Variants in MTUS2 observed in about 807,000 individuals in gnomAD.
MTUS2 encodes microtubule associated scaffold protein 2.
MTUS2 carries 40 observed loss-of-function variants against 114.1 expected under a neutral mutation model. The observed-to-expected ratio is 0.35, with a 90% CI of 0.27 to 0.46. MTUS2 has a LOEUF of 0.46. Ranked by LOEUF, MTUS2 falls within the 20% of genes least tolerant of loss-of-function variation. The probability of loss-of-function intolerance (pLI) is 1.00; values close to 1 mark genes in which losing one functional copy is unlikely to be tolerated. For synonymous variants in MTUS2, 688 were observed against 672.0 expected, an observed-to-expected ratio of 1.02 and a Z score of -0.37; for missense variants, 1,679 against 1,705.4, an observed-to-expected ratio of 0.98 and a Z score of 0.27.
chr13:29,188,485 C>A (rs957158600), intron 5 of MTUS2, among the ~76,000 whole-genome samples: 1 of 152,134 alleles, frequency 6.6e-6, no homozygotes, highest in Non-Finnish European at 1.5e-5. Flanking sequence ...GCACCATATT[C>A]AAATGTTTGC....
rs1883132526 is a variant in MTUS2 at position 29,504,865 on chromosome 13, CG to C, written c.*1663del. 1 of 232,452 alleles carries C rather than the reference CG, an allele frequency of 4.3e-6. No homozygotes were observed. Among genetic ancestry groups the C allele is most frequent in the Non-Finnish European group, 8.5e-6 (1 of 117,690 alleles). The allele number at this position is 232,452 out of a possible 1,614,324, so 14.4% of individuals were successfully genotyped here. A position where few individuals can be genotyped will look rare whatever the true frequency, so the allele number is the denominator to read the frequency against. On this transcript the variant is annotated 3_prime_UTR_variant, in exon 16 of 16. Coordinates refer to ENST00000612955, the MANE Select transcript of MTUS2 (RefSeq NM_001033602.4). The stretch of plus-strand genomic sequence containing the variant: ...TCCTGCAGGGGCCGGAGCCATGGAA[CG>C]GGGAAGAAAACAGCCCGCGGACGGG...
chr13:29,421,912 A>G (rs1023254333), intron 8 of MTUS2, among the ~76,000 whole-genome samples: 1 of 152,182 alleles, frequency 6.6e-6, no homozygotes, highest in African/African-American at 2.4e-5. Context: ...TAAGGAAGAC[A>G]AAGAAACAGA....
intron 2 of MTUS2, among the ~76,000 whole-genome samples, chr13:28,990,400 G>A (rs1274163804): frequency 6.6e-6 from 1 of 152,150 alleles, no homozygotes; most frequent in Non-Finnish European, 1.5e-5. Flanking sequence ...GTGGGGGCAT[G>A]AGAACTTTTC....
intron 6 of MTUS2, among the ~76,000 whole-genome samples, chr13:29,295,048 T>C (rs1898879788): frequency 6.6e-6 from 1 of 152,184 alleles, no homozygotes; most frequent in African/African-American, 2.4e-5. Context: ...GTTCTTAGGA[T>C]GCATTCTTAA....
At chr13:28,854,930 G>A (rs1420173067) in intron 2 of MTUS2, among the ~76,000 whole-genome samples, 2 of 151,840 alleles carry the variant, frequency 1.3e-5, no homozygotes, top group Admixed American at 1.3e-4. Flanking sequence ...TCCTGGGGAT[G>A]CTCTGGTGAC....
At chr13:29,166,284 G>C (rs1311134362) in intron 5 of MTUS2, among the ~76,000 whole-genome samples, 1 of 152,230 alleles carries the variant, frequency 6.6e-6, no homozygotes, top group Non-Finnish European at 1.5e-5. Context: ...CCGTAGACTT[G>C]AGGACGAAAA....
At chr13:29,478,650 G>A (rs569144361) in intron 9 of MTUS2, among the ~76,000 whole-genome samples, 4 of 151,986 alleles carry the variant, frequency 2.6e-5, no homozygotes, top group Non-Finnish European at 5.9e-5. Flanking sequence ...TTTGTTTTTC[G>A]CTTGTAAATT....
At chr13:29,396,064 T>A (rs147223547) in intron 8 of MTUS2, among the ~76,000 whole-genome samples, 2 of 152,192 alleles carry the variant, frequency 1.3e-5, no homozygotes, top group Admixed American at 6.5e-5. Flanking sequence ...TGCTCAGCTG[T>A]GGTTAAGATG....
chr13:29,339,765 G>A (rs1901290287), intron 7 of MTUS2: 2 of 164,816 alleles, frequency 1.2e-5, no homozygotes, highest in Admixed American at 6.4e-5. Context: ...AGGAGGGGCC[G>A]GGTGCGGACC....
intron 2 of MTUS2, among the ~76,000 whole-genome samples, chr13:28,853,199 G>T (rs191153293): frequency 1.3e-5 from 2 of 152,304 alleles, no homozygotes; most frequent in East Asian, 3.9e-4. Flanking sequence ...GGTAGGCGGG[G>T]AGTTTAATTT....
intron 5 of MTUS2, among the ~76,000 whole-genome samples, chr13:29,203,924 C>T (rs552868763): frequency 2.0e-4 from 31 of 152,080 alleles, no homozygotes; most frequent in Admixed American, 2.6e-4. Context: ...CACCCACCCT[C>T]TGCATTGATC....
chr13:29,073,054 G>T (rs1341929282), intron 4 of MTUS2, among the ~76,000 whole-genome samples: 1 of 151,828 alleles, frequency 6.6e-6, no homozygotes, highest in Non-Finnish European at 1.5e-5. Flanking sequence ...ACTCTCTCTG[G>T]TGGTCGTTTT....
intron 7 of MTUS2, among the ~76,000 whole-genome samples, chr13:29,325,421 A>G (rs1035042591): frequency 4.7e-5 from 7 of 148,812 alleles, no homozygotes; most frequent in African/African-American, 1.7e-4. Flanking sequence ...ACGCCACCAC[A>G]CTCCAGCCTG....
rs77545701 is a variant in MTUS2 at position 29,328,001 on chromosome 13, C to T, written c.2905+3290C>T. ...ATAACTGATGATGTTATAATGTTGA[C>T]TATCTTTCTATGTGTTTGACAGCTG... On this transcript the variant is annotated intron_variant, in intron 7 of 15. Coordinates refer to ENST00000612955, the MANE Select transcript of MTUS2 (RefSeq NM_001033602.4). Among the ~76,000 whole-genome samples, 708 of 152,094 alleles carry T rather than the reference C, an allele frequency of 4.7e-3. 6 individuals are homozygous for T. The highest frequency in any genetic ancestry group is 0.016 in the African/African-American group (662 of 41,466).
At chr13:29,222,454 T>C (rs1895944914) in intron 5 of MTUS2, among the ~76,000 whole-genome samples, 1 of 152,276 alleles carries the variant, frequency 6.6e-6, no homozygotes, top group South Asian at 2.1e-4. Context: ...AAAATTATTC[T>C]TCGAGTTAAT....
At chr13:29,235,654 A>G (rs1377011435) in intron 5 of MTUS2, among the ~76,000 whole-genome samples, 1 of 152,170 alleles carries the variant, frequency 6.6e-6, no homozygotes, top group East Asian at 1.9e-4. Context: ...AATCAAGAAT[A>G]AATGTTGAAT....
chr13:29,286,079 C>T (rs1898468502), intron 6 of MTUS2, among the ~76,000 whole-genome samples: 1 of 152,102 alleles, frequency 6.6e-6, no homozygotes, highest in Non-Finnish European at 1.5e-5. Flanking sequence ...ATGCGTGCCA[C>T]CATGCCTGGC....
chr13:29,401,129 G>A (rs1350422603), intron 8 of MTUS2, among the ~76,000 whole-genome samples: 3 of 151,940 alleles, frequency 2.0e-5, no homozygotes, highest in Non-Finnish European at 2.9e-5. Flanking sequence ...CTGGGACTAC[G>A]GGCACACACC....
intron 6 of MTUS2, among the ~76,000 whole-genome samples, chr13:29,298,775 G>T (rs539373793): frequency 2.0e-5 from 3 of 152,268 alleles, no homozygotes; most frequent in Admixed American, 2.0e-4. Flanking sequence ...AACTCTAAAA[G>T]CATGTTATTT....
Sources: gnomAD v4.1 joint callset for allele counts (sites outside exome capture counted in the v4.1 genomes callset) on GRCh38, gnomAD v4.1.1 for gene constraint, MANE v1.5 for transcripts, NCBI Gene and HGNC (gene_info 2026-07-23, HGNC 2026-07-21) for gene names.